The following STPG4 variants were observed in gnomAD, a reference collection of about 807,000 sequenced individuals.
STPG4 encodes the protein sperm-tail PG-rich repeat containing 4.
A neutral mutation model predicts 31.5 loss-of-function variants in STPG4; 41 were observed. That is an observed-to-expected ratio of 1.30 (90% CI 1.01 to 1.69). The LOEUF (loss-of-function observed/expected upper bound fraction) is 1.69, where lower values mean the gene tolerates loss of function less well. Ranked by LOEUF, STPG4 falls within the 40% of genes most tolerant of loss-of-function variation. The pLI is 0.00. For synonymous variants in STPG4, 141 were observed against 103.0 expected (o/e 1.37, Z -2.24); for missense variants, 375 against 293.4 (o/e 1.28, Z -2.03).
At chr2:47,098,953 G>A (rs1002192600) in intron 5 of STPG4, among the ~76,000 whole-genome samples, 1 of 152,168 alleles carries the variant, frequency 6.6e-6, no homozygotes, top group African/African-American at 2.4e-5. Flanking sequence ...GCTGGTGGAT[G>A]GGGTAGAAGC....
At chr2:47,150,309 A>G (rs1033924852) in intron 3 of STPG4, among the ~76,000 whole-genome samples, 1 of 152,086 alleles carries the variant, frequency 6.6e-6, no homozygotes, top group Non-Finnish European at 1.5e-5. Flanking sequence ...CAGCTCCACT[A>G]TTTATCTGAG....
chr2:47,087,258 C>T lies in STPG4; in HGVS notation c.625-128G>A, dbSNP rs1016342819. 8 of 1,085,516 alleles carry T rather than the reference C, an allele frequency of 7.4e-6. No individual in the cohort carries two copies. In the South Asian group the frequency reaches 9.6e-5, roughly 13 times the overall value. The allele number at this position is 1,085,516 out of a possible 1,614,324, so 67.2% of individuals were successfully genotyped here. A position where few individuals can be genotyped will look rare whatever the true frequency, so the allele number is the denominator to read the frequency against. ...AGGATGAAGACCAGGGCCACACCAGCCTGGGCTGAAGCCTGGCAGACCCTC... is the reference window on the plus strand; with the variant it reads ...AGGATGAAGACCAGGGCCACACCAGTCTGGGCTGAAGCCTGGCAGACCCTC... On this transcript the variant is annotated intron_variant, in intron 6 of 6. Transcript: ENST00000445927.
intron 5 of STPG4, among the ~76,000 whole-genome samples, chr2:47,104,499 C>G (rs1685864049): frequency 6.6e-6 from 1 of 151,990 alleles, no homozygotes; most frequent in African/African-American, 2.4e-5. Flanking sequence ...CAGAATGGTT[C>G]ATGGTTCTGG....
At chr2:47,100,866 T>C (rs10182974) in intron 5 of STPG4, among the ~76,000 whole-genome samples, 34,173 of 150,814 alleles carry the variant, frequency 0.23, 4,197 homozygotes, top group Admixed American at 0.3. Flanking sequence ...CATCCGAACA[T>C]CAGAAGGAAC....
intron 6 of STPG4, among the ~76,000 whole-genome samples, chr2:47,087,342 G>A (rs1685477569): frequency 6.6e-6 from 1 of 152,256 alleles, no homozygotes; most frequent in African/African-American, 2.4e-5. Context: ...TCATGAGGCT[G>A]GAGGGGGGCT....
Position 47,116,433 on chromosome 2 carries a change from G to A in STPG4, c.519+13508C>T, listed in dbSNP as rs183164880. On this transcript the variant is annotated intron_variant, in intron 5 of 6. Coordinates refer to ENST00000445927, the MANE Select transcript of STPG4 (RefSeq NM_001163561.2). ...ATCTTATAAGAATCGACAGACTTAC[G>A]TATTTTACTAGTTAAACATCTGTGA... Among the ~76,000 whole-genome samples, 8 of 152,192 alleles carry A rather than the reference G, an allele frequency of 5.3e-5. No individual in the cohort carries two copies. The South Asian group carries it at 1.0e-3, about 20-fold the overall frequency.
chr2:47,092,834 C>G (rs1369701855), intron 5 of STPG4, among the ~76,000 whole-genome samples: 2 of 151,948 alleles, frequency 1.3e-5, no homozygotes, highest in African/African-American at 4.8e-5. Flanking sequence ...ACTCTGTCAC[C>G]CAGGCTGGAG....
chr2:47,108,604 G>T, intron 5 of STPG4: 1 of 161,714 alleles, frequency 6.2e-6, no homozygotes, highest in Non-Finnish European at 1.3e-5. Flanking sequence ...CTGTCCTGGA[G>T]ATTCCTTTCA....
rs1353436986 is a variant in STPG4, at chr2:47,101,012, A to ACCAAGCGGTGAGACAATCG, written c.520-10657_520-10639dup. On this transcript the variant is annotated intron_variant, in intron 5 of 6. Coordinates refer to ENST00000445927, the MANE Select transcript of STPG4 (RefSeq NM_001163561.2). ...GACCCAGATGGGACATTTGCCTATC[A>ACCAAGCGGTGAGACAATCG]CCAAGCGGTGAGACAATCGCCAAGC... 1.2e-4 allele frequency among the ~76,000 whole-genome samples: 18 copies of ACCAAGCGGTGAGACAATCG among 151,998 alleles called. 1 individual carries two copies. The East Asian group carries it at 3.1e-3, about 26-fold the overall frequency.
chr2:47,103,707 A>G (rs1417021004), intron 5 of STPG4, among the ~76,000 whole-genome samples: 1 of 151,980 alleles, frequency 6.6e-6, no homozygotes, highest in Admixed American at 6.5e-5. Flanking sequence ...TGGAAGGTGC[A>G]CTGCCCAGAG....
intron 3 of STPG4, among the ~76,000 whole-genome samples, chr2:47,148,192 C>A (rs912246102): frequency 1.3e-5 from 2 of 152,068 alleles, no homozygotes; most frequent in Non-Finnish European, 2.9e-5. Context: ...AGTGATCCAC[C>A]TGCCTCGGCC....
At chr2:47,094,824 A>C (rs897258482) in intron 5 of STPG4, among the ~76,000 whole-genome samples, 3 of 152,186 alleles carry the variant, frequency 2.0e-5, no homozygotes, top group Non-Finnish European at 4.4e-5. Flanking sequence ...TCATACCGCG[A>C]AGAAGCCTGG....
intron 3 of STPG4, among the ~76,000 whole-genome samples, chr2:47,145,430 C>A (rs1295563304): frequency 1.3e-5 from 2 of 152,200 alleles, no homozygotes; most frequent in East Asian, 3.9e-4. Context: ...TGGGCTGTCC[C>A]TTTCATGAAT....
chr2:47,132,505 T>C (rs1159116484), intron 3 of STPG4, among the ~76,000 whole-genome samples: 2 of 152,356 alleles, frequency 1.3e-5, no homozygotes, highest in African/African-American at 2.4e-5. Flanking sequence ...GATAGAGTGA[T>C]GATAACAGTC....
At chr2:47,125,049 G>C (rs149506125) in intron 5 of STPG4, among the ~76,000 whole-genome samples, 9 of 152,148 alleles carry the variant, frequency 5.9e-5, no homozygotes, top group Non-Finnish European at 1.5e-5. Context: ...TTATACACCT[G>C]TTGGCCATTT....
chr2:47,097,082 G>A (rs571813926), intron 5 of STPG4, among the ~76,000 whole-genome samples: 98 of 152,180 alleles, frequency 6.4e-4, no homozygotes, highest in African/African-American at 2.1e-3. Context: ...GCAAAGGCAC[G>A]GAGCAAGCAG....
chr2:47,118,026 G>A (rs1686187069), intron 5 of STPG4, among the ~76,000 whole-genome samples: 1 of 152,016 alleles, frequency 6.6e-6, no homozygotes, highest in Non-Finnish European at 1.5e-5. Context: ...CTCCCAGCAT[G>A]TTGGGATTAT....
chr2:47,087,069 A>G lies in STPG4; in HGVS notation c.686T>C (p.Ile229Thr), dbSNP rs575669617. ...LRQFPKQSPT[I>T]AKMGQEHSLF... ...GCTATGCTCTTGGCCCATTTTGGCTATGGTCGGAGACTGCTTAGGGAATTG... is the reference window on the plus strand; with the variant it reads ...GCTATGCTCTTGGCCCATTTTGGCTGTGGTCGGAGACTGCTTAGGGAATTG... Residue 229 changes from isoleucine to threonine, a missense_variant, in exon 7 of 7, where the codon ATA becomes ACA. By Grantham distance (89) the Ile-to-Thr change is moderately conservative (BLOSUM62 -1). Transcript: ENST00000445927. 1.5e-5 allele frequency: 23 copies of G among 1,551,806 alleles called. No homozygotes were observed. In the African/African-American group the frequency reaches 1.5e-4, roughly 10 times the overall value.
At chr2:47,096,553 T>C (rs527311450) in intron 5 of STPG4, among the ~76,000 whole-genome samples, 2 of 152,244 alleles carry the variant, frequency 1.3e-5, no homozygotes, top group Non-Finnish European at 2.9e-5. Flanking sequence ...CGAGATATCT[T>C]CATCTGTGTG....
Sources: allele counts gnomAD v4.1 joint callset (sites outside exome capture counted in the v4.1 genomes callset), GRCh38; gene constraint gnomAD v4.1.1; transcripts MANE v1.5; gene names NCBI Gene and HGNC (gene_info 2026-07-23, HGNC 2026-07-21).